Variants in TENM1 observed in about 807,000 individuals in gnomAD.
TENM1 encodes teneurin-1.
Under a neutral mutation model 174.8 loss-of-function variants are expected in TENM1, and 35 were observed. That is an observed-to-expected ratio of 0.20 (90% CI 0.15 to 0.27). The LOEUF (loss-of-function observed/expected upper bound fraction) is 0.27, where lower values mean the gene tolerates loss of function less well. Among genes scored for constraint, TENM1 ranks in the 10% least tolerant of loss-of-function variants. The pLI, the probability that TENM1 is intolerant of heterozygous loss-of-function variation, is 1.00. For synonymous variants in TENM1, 781 were observed against 798.7 expected, an observed-to-expected ratio of 0.98 and a Z score of 0.37; for missense variants, 1,633 against 2,130.1, an observed-to-expected ratio of 0.77 and a Z score of 4.59.
chrX:125,139,858 G>GGAGAGAGA, the TENM1 span, among the ~76,000 whole-genome samples: 4 of 89,910 alleles, frequency 4.4e-5, no homozygotes, highest in African/African-American at 1.3e-4. Flanking sequence ...ACACACACAC[G>GGAGAGAGA]GAGAGAGAGA....
At chrX:124,842,616 T>C (rs993969965) in intron 3 of TENM1, among the ~76,000 whole-genome samples, 1 of 110,826 alleles carries the variant, frequency 9.0e-6, no homozygotes, top group Non-Finnish European at 1.9e-5. Context: ...GGCATGCAGA[T>C]AGCCACCTTT....
intron 14 of TENM1, among the ~76,000 whole-genome samples, chrX:124,552,546 T>C (rs1199183959): frequency 8.9e-6 from 1 of 111,853 alleles, no homozygotes; most frequent in African/African-American, 3.2e-5. Context: ...CTTTTCTGGG[T>C]TGGGAAAATA....
chrX:124,704,890 T>C, intron 5 of TENM1, 123 bp downstream of exon 8: 2 of 487,451 alleles, frequency 4.1e-6, no homozygotes, highest in South Asian at 4.5e-5. Context: ...CAATTTGTTA[T>C]CATACTAAGC....
chrX:125,167,256 G>A, the TENM1 span, among the ~76,000 whole-genome samples: 1 of 111,880 alleles, frequency 8.9e-6, no homozygotes, highest in Admixed American at 9.5e-5. Flanking sequence ...AAAACAGGAA[G>A]CTTGTTTGCA....
the TENM1 span, among the ~76,000 whole-genome samples, chrX:125,200,648 TGTGTGTGA>T: frequency 1.0e-4 from 6 of 60,143 alleles, no homozygotes; most frequent in African/African-American, 5.2e-4. Context: ...TGTGTGTGTG[TGTGTGTGA>T]GAGAGAGAGA....
chrX:124,454,155 C>T (rs1310542753), intron 22 of TENM1, among the ~76,000 whole-genome samples: 1 of 111,573 alleles, frequency 9.0e-6, no homozygotes, highest in Non-Finnish European at 1.9e-5. Flanking sequence ...ATTATAATAG[C>T]AGTTAGAAGG....
chrX:124,624,879 GC>G (rs1354945297), intron 11 of TENM1, among the ~76,000 whole-genome samples: 2 of 112,405 alleles, frequency 1.8e-5, no homozygotes, highest in Non-Finnish European at 3.8e-5. Context: ...GGCTTCAAAA[GC>G]TTTGCCTCCT....
chrX:125,128,049 T>C, the TENM1 span, among the ~76,000 whole-genome samples: 2 of 111,466 alleles, frequency 1.8e-5, no homozygotes, highest in Non-Finnish European at 3.8e-5. Context: ...GTATACATGA[T>C]TGCATATAAG....
At chrX:125,110,121 T>C in the TENM1 span, among the ~76,000 whole-genome samples, 96 of 111,886 alleles carry the variant, frequency 8.6e-4, 1 homozygote, top group African/African-American at 3.0e-3. Flanking sequence ...AAGCACTTTA[T>C]GTACATTATC....
intron 22 of TENM1, 44 bp from the exon 26 acceptor site, chrX:124,453,535 C>G: frequency 9.0e-6 from 10 of 1,117,214 alleles, no homozygotes; most frequent in Non-Finnish European, 1.2e-5. Context: ...TAGTGAACCA[C>G]ATTTGCACTA....
At chrX:124,733,584 T>C (rs2053609113) in intron 4 of TENM1, among the ~76,000 whole-genome samples, 1 of 112,290 alleles carries the variant, frequency 8.9e-6, no homozygotes, top group East Asian at 2.8e-4. Flanking sequence ...TACCCACAGT[T>C]ACCTTTATTG....
chrX:124,479,537 C>T (rs1281276177), intron 22 of TENM1, among the ~76,000 whole-genome samples: 3 of 111,538 alleles, frequency 2.7e-5, no homozygotes, highest in Non-Finnish European at 5.6e-5. Context: ...ATTACTGACG[C>T]TTCAAGAGTT....
intron 1 of TENM1, 80 bp from the exon 5 acceptor site, chrX:124,896,321 C>T: frequency 9.8e-7 from 1 of 1,021,141 alleles, no homozygotes; most frequent in Non-Finnish European, 1.3e-6. Context: ...TGTTCTCATT[C>T]CCCTCTCCCC....
the TENM1 span, among the ~76,000 whole-genome samples, chrX:125,153,735 C>T: frequency 8.9e-6 from 1 of 112,166 alleles, no homozygotes; most frequent in Non-Finnish European, 1.9e-5. Flanking sequence ...GACAGCAATT[C>T]AGCATGAAAG....
the TENM1 span, among the ~76,000 whole-genome samples, chrX:125,163,372 C>G: frequency 1.0e-3 from 115 of 110,432 alleles, no homozygotes; most frequent in African/African-American, 3.6e-3. Context: ...ATCTAGAATG[C>G]ATCAATAGTA....
intron 11 of TENM1, among the ~76,000 whole-genome samples, chrX:124,606,125 G>C (rs2050150702): frequency 9.0e-6 from 1 of 111,270 alleles, no homozygotes; most frequent in Non-Finnish European, 1.9e-5. Flanking sequence ...GGCCCACAGA[G>C]TGCCTGCTTG....
intron 11 of TENM1, among the ~76,000 whole-genome samples, chrX:124,592,601 A>G (rs1602740958): frequency 1.8e-5 from 2 of 109,319 alleles, no homozygotes; most frequent in African/African-American, 6.7e-5. Context: ...ACGTCCAGCT[A>G]ATTTTTATAT....
At chrX:124,455,052 A>G (rs1292750240) in intron 22 of TENM1, among the ~76,000 whole-genome samples, 2 of 112,337 alleles carry the variant, frequency 1.8e-5, no homozygotes, top group African/African-American at 6.5e-5. Context: ...AGATGAACTA[A>G]TTCATTGGCA....
chrX:124,792,558 T>C (rs1316108525), intron 3 of TENM1, among the ~76,000 whole-genome samples: 1 of 112,193 alleles, frequency 8.9e-6, no homozygotes, highest in Non-Finnish European at 1.9e-5. Flanking sequence ...AAAGCTAACA[T>C]TGTTACATAT....
Sources: allele counts gnomAD v4.1 joint callset (sites outside exome capture counted in the v4.1 genomes callset), GRCh38; gene constraint gnomAD v4.1.1; transcripts MANE v1.5; gene names NCBI Gene and HGNC (gene_info 2026-07-23, HGNC 2026-07-21).